FAT3: variants seen among roughly 807,000 people sequenced by gnomAD.
FAT3 encodes the protein protocadherin Fat 3.
In FAT3, 95 loss-of-function variants were observed where a neutral mutation model predicts 310.2. The ratio of observed to expected loss-of-function variants is 0.31; its 90% CI spans 0.26 to 0.36. The LOEUF is 0.36. Among genes scored for constraint, FAT3 ranks in the 10% least tolerant of loss-of-function variants. The pLI is 1.00. For synonymous variants in FAT3, 2,314 were observed against 2,192.9 expected (o/e 1.06, Z -1.54); for missense variants, 5,408 against 5,715.6 (o/e 0.95, Z 1.74).
intron 4 of FAT3, among the ~76,000 whole-genome samples, chr11:92,754,257 C>T (rs1335108683): frequency 6.6e-6 from 1 of 151,980 alleles, no homozygotes; most frequent in Non-Finnish European, 1.5e-5. Flanking sequence ...ATGGAAACAA[C>T]GTAACTGTCC....
At chr11:92,841,386 C>G (rs1948544861) in intron 18 of FAT3, among the ~76,000 whole-genome samples, 1 of 152,164 alleles carries the variant, frequency 6.6e-6, no homozygotes, top group Admixed American at 6.5e-5. Flanking sequence ...TCCACTGTTG[C>G]TTACAGAGGG....
intron 3 of FAT3, among the ~76,000 whole-genome samples, chr11:92,607,265 A>G (rs1395959404): frequency 6.6e-6 from 1 of 151,758 alleles, no homozygotes; most frequent in African/African-American, 2.4e-5. Flanking sequence ...CTCTTCATGC[A>G]TCACCCTGAT....
chr11:92,599,447 A>G (rs1939897249), intron 3 of FAT3, among the ~76,000 whole-genome samples: 1 of 152,148 alleles, frequency 6.6e-6, no homozygotes, highest in African/African-American at 2.4e-5. Context: ...CCACGACATG[A>G]GAGGATTATG....
intron 9 of FAT3, among the ~76,000 whole-genome samples, chr11:92,796,603 A>C (rs889417176): frequency 6.6e-6 from 1 of 152,218 alleles, no homozygotes; most frequent in African/African-American, 2.4e-5. Flanking sequence ...AAAAGTCCAG[A>C]TAGAGTTGAA....
chr11:92,630,447 A>G (rs1337131370), intron 3 of FAT3, among the ~76,000 whole-genome samples: 2 of 152,152 alleles, frequency 1.3e-5, no homozygotes, highest in Non-Finnish European at 2.9e-5. Context: ...TGTCTTACCT[A>G]AGCTTCAGAT....
intron 2 of FAT3, among the ~76,000 whole-genome samples, chr11:92,379,506 G>T (rs543037615): frequency 6.6e-6 from 1 of 152,298 alleles, no homozygotes; most frequent in South Asian, 2.1e-4. Flanking sequence ...CCAGACCAAA[G>T]CAGATGATTC....
At chr11:92,615,526 C>A (rs1260209343) in intron 3 of FAT3, among the ~76,000 whole-genome samples, 3 of 152,126 alleles carry the variant, frequency 2.0e-5, no homozygotes, top group Non-Finnish European at 4.4e-5. Flanking sequence ...GGATTACAGG[C>A]GTAAGCCACC....
chr11:92,290,482 C>T (rs1045350352), intron 1 of FAT3, among the ~76,000 whole-genome samples: 2 of 152,090 alleles, frequency 1.3e-5, no homozygotes, highest in Admixed American at 6.6e-5. Context: ...AGAGGCCAGG[C>T]GTAGTGGCTC....
chr11:92,442,111 A>ATTTTTTTTTTTTTTTTTT (rs869097021), intron 2 of FAT3, among the ~76,000 whole-genome samples: 1 of 45,222 alleles, frequency 2.2e-5, no homozygotes, highest in African/African-American at 1.8e-4. Context: ...ATATATATAT[A>ATTTTTTTTTTTTTTTTTT]TTTTTTTTTT....
chr11:92,540,131 T>C (rs1954394940), intron 3 of FAT3, among the ~76,000 whole-genome samples: 1 of 152,206 alleles, frequency 6.6e-6, no homozygotes, highest in Non-Finnish European at 1.5e-5. Context: ...GAGCTCAGCT[T>C]GCCAGCATAC....
chr11:92,360,330 A>G (rs1258083256), intron 2 of FAT3, among the ~76,000 whole-genome samples: 1 of 152,232 alleles, frequency 6.6e-6, no homozygotes, highest in Non-Finnish European at 1.5e-5. Context: ...ATTCTTTGCT[A>G]TGCACAAGCA....
At chr11:92,810,319 G>A (rs1947634709) in intron 13 of FAT3, among the ~76,000 whole-genome samples, 1 of 152,192 alleles carries the variant, frequency 6.6e-6, no homozygotes, top group Non-Finnish European at 1.5e-5. Flanking sequence ...TTACCTTTTA[G>A]CAAAGGAGTT....
intron 2 of FAT3, among the ~76,000 whole-genome samples, chr11:92,394,031 A>G (rs1949805575): frequency 6.6e-6 from 1 of 152,144 alleles, no homozygotes; most frequent in Non-Finnish European, 1.5e-5. Context: ...TGCATCTCCT[A>G]TTCCTTTCCA....
At chr11:92,582,742 T>C (rs72956431) in intron 3 of FAT3, among the ~76,000 whole-genome samples, 52 of 152,130 alleles carry the variant, frequency 3.4e-4, no homozygotes, top group Non-Finnish European at 5.9e-4. Context: ...CTAGATTCTA[T>C]CTGTTTAAAG....
intron 1 of FAT3, among the ~76,000 whole-genome samples, chr11:92,255,052 T>C (rs1865262188): frequency 1.3e-5 from 2 of 152,138 alleles, no homozygotes. Context: ...ACATTTCTAC[T>C]GAGCAGGAAA....
rs1946073517 is a variant in FAT3 at position 92,269,802 on chromosome 11, G to A, written c.-18+44628G>A. ...TCCCAAGAACTCCATTATCTTGACA[G>A]CAATGTAGCCACTGTACCCCACTTC... On this transcript the variant is annotated intron_variant, in intron 1 of 27. Transcript: ENST00000525166. Among the ~76,000 whole-genome samples the A allele has an allele frequency of 3.3e-5, 5 of 152,206 alleles. No homozygotes were observed. The South Asian group carries it at 1.0e-3, about 32-fold the overall frequency.
intron 1 of FAT3, among the ~76,000 whole-genome samples, chr11:92,246,268 A>G (rs1212747766): frequency 6.6e-6 from 1 of 152,116 alleles, no homozygotes; most frequent in Non-Finnish European, 1.5e-5. Context: ...AGAGGCTACG[A>G]GGAAAACAAA....
At position 92,765,027 on chromosome 11, in the gene FAT3, C is replaced by G; in HGVS notation, c.4133C>G (p.Thr1378Ser). 2 of 1,613,696 alleles carry G rather than the reference C, an allele frequency of 1.2e-6. No homozygotes were observed. The highest frequency in any genetic ancestry group is 1.7e-6 in the Non-Finnish European group (2 of 1,179,844). Residue 1378 changes from threonine (T) to serine (S), a missense_variant, in exon 6 of 28, where the codon ACT becomes AGT. By Grantham distance (58) the Thr-to-Ser change is moderately conservative. This residue lies in a region of FAT3 where 4,588 missense variants were observed against 4,809.8 expected (regional missense o/e 0.95). Coordinates refer to ENST00000525166, the MANE Select transcript of FAT3 (RefSeq NM_001367949.2). ...NFTVMESDRVTEIVGVVSVQP... is the reference protein window; with the variant it reads ...NFTVMESDRVSEIVGVVSVQP... ...ACAGTCATGGAAAGTGATAGAGTGA[C>G]TGAAATTGTAGGGGTGGTGTCTGTG... is the stretch of plus-strand genomic sequence containing the variant.
chr11:92,531,527 A>T (rs985183241), intron 3 of FAT3, among the ~76,000 whole-genome samples: 1 of 152,060 alleles, frequency 6.6e-6, no homozygotes, highest in Non-Finnish European at 1.5e-5. Context: ...CTGGGACCTT[A>T]TCCTGGGCAG....
Sources: allele counts gnomAD v4.1 joint callset (sites outside exome capture counted in the v4.1 genomes callset), GRCh38; gene constraint gnomAD v4.1.1; regional missense constraint gnomAD v4.1.1; transcripts MANE v1.5; gene names NCBI Gene and HGNC (gene_info 2026-07-23, HGNC 2026-07-21).